Variants in RPRD1A observed in about 807,000 individuals in gnomAD.
The protein encoded by RPRD1A is regulation of nuclear pre-mRNA domain-containing protein 1A.
Under a neutral mutation model 37.8 loss-of-function variants are expected in RPRD1A, and 9 were observed. The ratio of observed to expected loss-of-function variants is 0.24; its 90% CI spans 0.14 to 0.42. The LOEUF is 0.42. Among genes scored for constraint, RPRD1A ranks in the 10% least tolerant of loss-of-function variants. The pLI, the probability that RPRD1A is intolerant of heterozygous loss-of-function variation, is 1.00. For missense variants in RPRD1A, 255 were observed against 371.0 expected (o/e 0.69, Z 2.57); for synonymous variants, 138 against 139.7 (o/e 0.99, Z 0.08).
At position 36,015,173 on chromosome 18, in the gene RPRD1A, TACACACACAC is replaced by T. The variant is rs368940718; in HGVS notation, c.789+11717_789+11726del. Among the ~76,000 whole-genome samples, 625 of 130,946 alleles carry T rather than the reference TACACACACAC, an allele frequency of 4.8e-3. 9 individuals carry two copies. Among genetic ancestry groups the T allele is most frequent in the African/African-American group, 0.016 (549 of 33,836 alleles). The allele number at this position is 130,946 out of a possible 152,430, so 85.9% of individuals were successfully genotyped here. A position where few individuals can be genotyped will look rare whatever the true frequency, so the allele number is the denominator to read the frequency against. On this transcript the variant is annotated intron_variant, in intron 6 of 6. Coordinates refer to ENST00000399022, the MANE Select transcript of RPRD1A (RefSeq NM_018170.5). ...ACACACACACATATATACACATATA[TACACACACAC>T]ACACACACACACACACACACATTCA...
chr18:36,018,129 TG>T lies in RPRD1A; in HGVS notation c.789+8770del, dbSNP rs1447902680. On this transcript the variant is annotated intron_variant, in intron 6 of 6. Transcript: ENST00000399022. ...TTTTAAGTACTGGACTCTGCTAAAA[TG>T]ATTTAACCAATTATGTTGGATATAA... Among the ~76,000 whole-genome samples, 4 of 152,338 alleles carry T rather than the reference TG, an allele frequency of 2.6e-5. No homozygotes were observed. In the East Asian group the frequency reaches 7.7e-4, roughly 29 times the overall value.
chr18:36,058,444 T>C (rs1042966862), intron 1 of RPRD1A, among the ~76,000 whole-genome samples: 1 of 152,266 alleles, frequency 6.6e-6, no homozygotes. Context: ...GTTTGTTTAA[T>C]GTAGGAACAC....
chr18:36,067,103 C>T, intron 1 of RPRD1A, 151 bp downstream of exon 1: 1 of 700,964 alleles, frequency 1.4e-6, no homozygotes, highest in Non-Finnish European at 2.4e-6. Flanking sequence ...TTTGCAGAAG[C>T]GTGGTGCACG....
At chr18:36,057,806 T>C (rs1353309814) in intron 1 of RPRD1A, among the ~76,000 whole-genome samples, 1 of 152,200 alleles carries the variant, frequency 6.6e-6, no homozygotes, top group Non-Finnish European at 1.5e-5. Context: ...ATTCTACATA[T>C]ACTTCAAATC....
chr18:36,062,621 G>C (rs1039620465), intron 1 of RPRD1A, among the ~76,000 whole-genome samples: 8 of 152,280 alleles, frequency 5.3e-5, no homozygotes, highest in Non-Finnish European at 8.8e-5. Context: ...GTGGTCTTTT[G>C]CAACTGGCTT....
intron 1 of RPRD1A, among the ~76,000 whole-genome samples, chr18:36,046,887 T>TAAAA (rs140735259): frequency 7.6e-6 from 1 of 131,910 alleles, no homozygotes; most frequent in African/African-American, 2.8e-5. Context: ...ATGCATCCAC[T>TAAAA]AAAAAAAAAA....
chr18:35,995,351 C>T (rs1239820132), intron 6 of RPRD1A, among the ~76,000 whole-genome samples: 1 of 149,950 alleles, frequency 6.7e-6, no homozygotes. Flanking sequence ...ACAACCTTCA[C>T]CTCCTGGGTT....
chr18:36,062,812 A>G (rs958871584), intron 1 of RPRD1A, among the ~76,000 whole-genome samples: 1 of 152,222 alleles, frequency 6.6e-6, no homozygotes, highest in Non-Finnish European at 1.5e-5. Context: ...GACAACAGCT[A>G]AATGGCATGG....
At chr18:36,022,584 T>C (rs1336137270) in intron 6 of RPRD1A, among the ~76,000 whole-genome samples, 2 of 152,252 alleles carry the variant, frequency 1.3e-5, no homozygotes, top group African/African-American at 4.8e-5. Context: ...GCCTGTGCTC[T>C]ATAAAAGAAA....
rs1912656011 is a variant in RPRD1A, at chr18:36,042,578, T to C, written c.152-8741A>G. Among the ~76,000 whole-genome samples the C allele has an allele frequency of 2.6e-5, 4 of 152,358 alleles. 1 individual carries two copies. The highest frequency in any genetic ancestry group is 2.6e-4 in the Admixed American group (4 of 15,300). On this transcript the variant is annotated intron_variant, in intron 1 of 6. Transcript: ENST00000399022. ...AAAGACAAACTTCCTTAGCACTCAT[T>C]CGTACGTTTTTTAAATGTATTGAAG... is the stretch of plus-strand genomic sequence containing the variant.
intron 1 of RPRD1A, among the ~76,000 whole-genome samples, chr18:36,048,763 C>A (rs1250307287): frequency 1.3e-5 from 2 of 151,816 alleles, no homozygotes; most frequent in African/African-American, 2.4e-5. Flanking sequence ...ACACATGGTG[C>A]TGGAAATTCT....
At chr18:36,035,666 T>C (rs1197515258) in intron 1 of RPRD1A, among the ~76,000 whole-genome samples, 2 of 152,248 alleles carry the variant, frequency 1.3e-5, no homozygotes, top group African/African-American at 4.8e-5. Flanking sequence ...AGCAGCATTA[T>C]TCACAATAGC....
intron 1 of RPRD1A, among the ~76,000 whole-genome samples, chr18:36,048,335 G>C (rs1466234239): frequency 2.6e-5 from 4 of 151,668 alleles, no homozygotes; most frequent in Non-Finnish European, 4.4e-5. Context: ...CAAAGTGCTG[G>C]GATTACAGGC....
At chr18:35,998,480 T>A (rs754736047) in intron 6 of RPRD1A, among the ~76,000 whole-genome samples, 6 of 152,144 alleles carry the variant, frequency 3.9e-5, no homozygotes, top group Non-Finnish European at 5.9e-5. Flanking sequence ...CCACTTTACT[T>A]CTTCTCCTCC....
chr18:36,039,184 C>T lies in RPRD1A; in HGVS notation c.152-5347G>A, dbSNP rs1023507238. On this transcript the variant is annotated intron_variant, in intron 1 of 6. Transcript: ENST00000399022. ...CCCAAATCTCATGTCAAATTATAATCTCCACATGTCAGGGGAGGGGCCTGG... is the reference window on the plus strand; with the variant it reads ...CCCAAATCTCATGTCAAATTATAATTTCCACATGTCAGGGGAGGGGCCTGG... 7.2e-5 allele frequency among the ~76,000 whole-genome samples: 11 copies of T among 152,116 alleles called. No individual in the cohort carries two copies. In the East Asian group the frequency reaches 1.4e-3, roughly 19 times the overall value.
chr18:36,037,338 A>C (rs911975908), intron 1 of RPRD1A, among the ~76,000 whole-genome samples: 1 of 152,088 alleles, frequency 6.6e-6, no homozygotes, highest in African/African-American at 2.4e-5. Flanking sequence ...TTCTCATGAG[A>C]TCTGATGGTT....
At chr18:36,001,813 G>A (rs1051554344) in intron 6 of RPRD1A, among the ~76,000 whole-genome samples, 3 of 152,112 alleles carry the variant, frequency 2.0e-5, no homozygotes, top group Non-Finnish European at 4.4e-5. Flanking sequence ...AACATTTCTC[G>A]TCCTTGTTAT....
At chr18:36,064,435 TTC>T (rs1183225812) in intron 1 of RPRD1A, 2 of 152,356 alleles carry the variant, frequency 1.3e-5, no homozygotes, top group Non-Finnish European at 2.9e-5. Flanking sequence ...TGGAAAACTT[TTC>T]TGTCTAGCTA....
chr18:36,018,290 T>A (rs1789542), intron 6 of RPRD1A, among the ~76,000 whole-genome samples: 117,728 of 148,658 alleles, frequency 0.79, 46,947 homozygotes, highest in Non-Finnish European at 0.83. Context: ...TTTTTTTTTT[T>A]AAAGAAGGAG....
Sources: gnomAD v4.1 joint callset for allele counts (sites outside exome capture counted in the v4.1 genomes callset) on GRCh38, gnomAD v4.1.1 for gene constraint, MANE v1.5 for transcripts, NCBI Gene and HGNC (gene_info 2026-07-23, HGNC 2026-07-21) for gene names.